The following SPMIP2 variants were observed in gnomAD, a reference collection of about 807,000 sequenced individuals.
SPMIP2 encodes protein SPMIP2.
chr4:159,030,058 G>A, the SPMIP2 span, among the ~76,000 whole-genome samples: 2 of 152,148 alleles, frequency 1.3e-5, no homozygotes, highest in East Asian at 3.8e-4. Flanking sequence ...GAATAATGAA[G>A]CATCAGTGGA....
the SPMIP2 span, chr4:158,906,818 C>A: frequency 2.6e-5 from 4 of 151,970 alleles, no homozygotes; most frequent in Non-Finnish European, 4.4e-5. Flanking sequence ...AAAAAAAAAA[C>A]CTCACAGAAT....
the SPMIP2 span, among the ~76,000 whole-genome samples, chr4:158,997,333 C>T: frequency 2.6e-5 from 4 of 151,186 alleles, no homozygotes; most frequent in Non-Finnish European, 5.9e-5. Flanking sequence ...TGGGTTCCAG[C>T]GATTCTCCTG....
chr4:159,071,999 T>A, the SPMIP2 span, among the ~76,000 whole-genome samples: 10 of 152,238 alleles, frequency 6.6e-5, no homozygotes, highest in Admixed American at 4.6e-4. Flanking sequence ...AATTCACAAA[T>A]ACCTGTTTTA....
chr4:158,927,083 C>T, the SPMIP2 span, among the ~76,000 whole-genome samples: 7 of 152,210 alleles, frequency 4.6e-5, no homozygotes, highest in Non-Finnish European at 1.0e-4. Context: ...TCCTTTAGTT[C>T]TGTCAGTTTT....
At chr4:159,010,870 T>C in the SPMIP2 span, among the ~76,000 whole-genome samples, 89,183 of 151,798 alleles carry the variant, frequency 0.59, 26,828 homozygotes, top group Middle Eastern at 0.66. Flanking sequence ...GCAAGCTTCA[T>C]ATTTAGTCCT....
At chr4:158,942,361 A>T in the SPMIP2 span, among the ~76,000 whole-genome samples, 1 of 152,150 alleles carries the variant, frequency 6.6e-6, no homozygotes, top group Non-Finnish European at 1.5e-5. Context: ...AGGCTTCCGG[A>T]TATGTGTTTC....
the SPMIP2 span, among the ~76,000 whole-genome samples, chr4:158,942,452 C>A: frequency 2.0e-5 from 3 of 152,292 alleles, no homozygotes; most frequent in South Asian, 6.2e-4. Flanking sequence ...CCAAACCCAG[C>A]ATCGAGCATT....
the SPMIP2 span, among the ~76,000 whole-genome samples, chr4:159,033,945 A>C: frequency 6.6e-6 from 1 of 152,208 alleles, no homozygotes; most frequent in South Asian, 2.1e-4. Context: ...CAACATGGTG[A>C]AACCCCATTT....
the SPMIP2 span, among the ~76,000 whole-genome samples, chr4:158,973,787 G>C: frequency 6.6e-6 from 1 of 151,934 alleles, no homozygotes; most frequent in African/African-American, 2.4e-5. Context: ...TCAGGAATCT[G>C]AGACCAGCCT....
the SPMIP2 span, among the ~76,000 whole-genome samples, chr4:159,041,413 G>A: frequency 2.0e-5 from 3 of 152,120 alleles, no homozygotes; most frequent in African/African-American, 7.2e-5. Context: ...AAGCAATAAT[G>A]GTCATATCTT....
chr4:158,948,326 T>C, the SPMIP2 span, among the ~76,000 whole-genome samples: 1 of 152,206 alleles, frequency 6.6e-6, no homozygotes, highest in Non-Finnish European at 1.5e-5. Flanking sequence ...GGTACATTTT[T>C]TGAGTACATA....
At chr4:158,947,316 G>T in the SPMIP2 span, among the ~76,000 whole-genome samples, 1 of 152,078 alleles carries the variant, frequency 6.6e-6, no homozygotes, top group Non-Finnish European at 1.5e-5. Flanking sequence ...TAAAATAGTG[G>T]CTGACCTTAA....
the SPMIP2 span, chr4:158,895,933 GT>G: frequency 1.7e-6 from 2 of 1,186,612 alleles, no homozygotes; most frequent in South Asian, 1.3e-5. Flanking sequence ...CCACTAACGT[GT>G]TTAGCCTGTG....
chr4:158,968,348 T>C, the SPMIP2 span, among the ~76,000 whole-genome samples: 13 of 152,182 alleles, frequency 8.5e-5, no homozygotes, highest in Non-Finnish European at 1.3e-4. Context: ...TATTTTGATA[T>C]TATAAATGAA....
At chr4:158,955,111 T>C in the SPMIP2 span, among the ~76,000 whole-genome samples, 2 of 152,112 alleles carry the variant, frequency 1.3e-5, no homozygotes. Context: ...ATTTATACAT[T>C]TTTAAAAAAT....
At chr4:158,901,128 A>ATTTTTTTTTTTTTTTTTTT in the SPMIP2 span, among the ~76,000 whole-genome samples, 1 of 112,302 alleles carries the variant, frequency 8.9e-6, no homozygotes. Flanking sequence ...CTGGGTTGAA[A>ATTTTTTTTTTTTTTTTTTT]TTTTTTTTTT....
the SPMIP2 span, among the ~76,000 whole-genome samples, chr4:159,079,004 G>C: frequency 6.6e-6 from 1 of 152,134 alleles, no homozygotes; most frequent in African/African-American, 2.4e-5. Context: ...TGTAATCCCA[G>C]CTACTCAGGA....
the SPMIP2 span, among the ~76,000 whole-genome samples, chr4:159,063,477 G>A: frequency 6.6e-6 from 1 of 152,062 alleles, no homozygotes; most frequent in African/African-American, 2.4e-5. Flanking sequence ...TTGAACCCGG[G>A]AAGCAGAATT....
the SPMIP2 span, among the ~76,000 whole-genome samples, chr4:159,079,813 T>A: frequency 6.6e-6 from 1 of 152,174 alleles, no homozygotes; most frequent in African/African-American, 2.4e-5. Flanking sequence ...TTAATTAGAT[T>A]TTTAGTAATA....
Sources: gnomAD v4.1 joint callset for allele counts (sites outside exome capture counted in the v4.1 genomes callset) on GRCh38, gnomAD v4.1.1 for gene constraint, MANE v1.5 for transcripts, NCBI Gene and HGNC (gene_info 2026-07-23, HGNC 2026-07-21) for gene names.